MEGF10: variants seen among roughly 807,000 people sequenced by gnomAD.
MEGF10 encodes the protein multiple EGF like domains 10, also known as multiple epidermal growth factor-like domains protein 10.
MEGF10 carries 86 observed loss-of-function variants against 147.5 expected under a neutral mutation model. The observed-to-expected ratio is 0.58, with a 90% confidence interval of 0.49 to 0.70. The LOEUF is 0.70. Among genes scored for constraint, MEGF10 ranks in the 30% least tolerant of loss-of-function variants. The pLI, the probability that MEGF10 is intolerant of heterozygous loss-of-function variation, is 0.00. For synonymous variants in MEGF10, 478 were observed against 525.5 expected (o/e 0.91, Z 1.24); for missense variants, 1,329 against 1,487.3 (o/e 0.89, Z 1.75).
At chr5:127,233,187 TGCCAAGGGTACA>T in the MEGF10 span, among the ~76,000 whole-genome samples, 1 of 152,228 alleles carries the variant, frequency 6.6e-6, no homozygotes, top group Non-Finnish European at 1.5e-5. Flanking sequence ...GAAGCCCTGT[TGCCAAGGGTACA>T]GCCTCCCTAG....
intron 22 of MEGF10, among the ~76,000 whole-genome samples, chr5:127,450,388 G>A (rs1427970774): frequency 6.6e-6 from 1 of 152,150 alleles, no homozygotes; most frequent in African/African-American, 2.4e-5. Flanking sequence ...GATCTCATAG[G>A]CCTCCTGAAA....
chr5:127,266,240 G>C, the MEGF10 span, among the ~76,000 whole-genome samples: 3 of 151,640 alleles, frequency 2.0e-5, no homozygotes, highest in African/African-American at 7.3e-5. Context: ...TAGATGTGTG[G>C]TGTTATTTCT....
intron 5 of MEGF10, among the ~76,000 whole-genome samples, chr5:127,392,635 G>C (rs1223659358): frequency 6.6e-6 from 1 of 152,126 alleles, no homozygotes; most frequent in Admixed American, 6.5e-5. Context: ...ATACATGACA[G>C]GTACTTAAAA....
the MEGF10 span, among the ~76,000 whole-genome samples, chr5:127,280,676 C>A: frequency 0.017 from 2,514 of 150,514 alleles, 59 homozygotes; most frequent in East Asian, 0.086. Flanking sequence ...GCACGTGAGA[C>A]TGAAATCCAG....
intron 2 of MEGF10, among the ~76,000 whole-genome samples, chr5:127,337,982 C>T (rs1042427749): frequency 2.6e-5 from 4 of 152,142 alleles, no homozygotes; most frequent in South Asian, 2.1e-4. Context: ...ATGAATAGTA[C>T]GATTACTTCA....
chr5:127,442,529 T>C (rs1272962519), intron 18 of MEGF10, among the ~76,000 whole-genome samples: 2 of 152,212 alleles, frequency 1.3e-5, no homozygotes, highest in African/African-American at 4.8e-5. Context: ...CCCCTATTCC[T>C]GGCTAATTCA....
intron 9 of MEGF10, among the ~76,000 whole-genome samples, chr5:127,416,188 C>T (rs2126964241): frequency 6.6e-6 from 1 of 152,010 alleles, no homozygotes; most frequent in African/African-American, 2.4e-5. Flanking sequence ...CCACCACGCC[C>T]CGCTAATTTT....
At chr5:127,390,794 G>C (rs1763620528) in intron 5 of MEGF10, among the ~76,000 whole-genome samples, 1 of 152,022 alleles carries the variant, frequency 6.6e-6, no homozygotes, top group South Asian at 2.1e-4. Context: ...TGTCCTTATA[G>C]CTTTGGAGAG....
At chr5:127,280,329 T>C in the MEGF10 span, among the ~76,000 whole-genome samples, 1 of 152,190 alleles carries the variant, frequency 6.6e-6, no homozygotes, top group African/African-American at 2.4e-5. Context: ...CCTCCATTCA[T>C]TGGAGGACAA....
At position 127,420,959 on chromosome 5, in the gene MEGF10, C is replaced by T. The variant is rs185251664; in HGVS notation, c.1590+752C>T. 8.7e-4 allele frequency among the ~76,000 whole-genome samples: 132 copies of T among 152,314 alleles called. 1 individual carries two copies. Among genetic ancestry groups the T allele is most frequent in the African/African-American group, 3.0e-3 (124 of 41,578 alleles). ...GATGGCGAGTTAACAATGTGACCCC[C>T]TGAACTGGGCCCCTCGAGAAGGGCC... On this transcript the variant is annotated intron_variant, in intron 12 of 24. Coordinates refer to ENST00000503335, the MANE Select transcript of MEGF10 (RefSeq NM_001256545.2).
upstream of MEGF10, among the ~76,000 whole-genome samples, chr5:127,289,618 C>T (rs190085339): frequency 3.3e-5 from 5 of 152,274 alleles, no homozygotes; most frequent in African/African-American, 9.6e-5. Context: ...ACAGTCTTCC[C>T]CTGTGTATTT....
intron 5 of MEGF10, among the ~76,000 whole-genome samples, chr5:127,395,870 T>A (rs1763892038): frequency 6.6e-6 from 1 of 152,158 alleles, no homozygotes; most frequent in African/African-American, 2.4e-5. Context: ...AGTAGTTTAC[T>A]TCTTAGAGGA....
chr5:127,418,156 T>C (rs2126968803), intron 10 of MEGF10, among the ~76,000 whole-genome samples: 1 of 152,364 alleles, frequency 6.6e-6, no homozygotes, highest in South Asian at 2.1e-4. Context: ...TTGACAGCTT[T>C]TGTTTTTAAT....
At chr5:127,346,711 TTTAA>T (rs1185168767) in intron 4 of MEGF10, among the ~76,000 whole-genome samples, 7 of 152,164 alleles carry the variant, frequency 4.6e-5, no homozygotes. Flanking sequence ...AGCTTTTTAG[TTTAA>T]TTAAGTCCCA....
chr5:127,370,823 A>G (rs1420687408), intron 5 of MEGF10, among the ~76,000 whole-genome samples: 1 of 152,206 alleles, frequency 6.6e-6, no homozygotes, highest in Non-Finnish European at 1.5e-5. Flanking sequence ...CGCCTTGAGA[A>G]ACGTGAGAAG....
chr5:127,379,594 C>CTTTTTT (rs36030791), intron 5 of MEGF10, among the ~76,000 whole-genome samples: 62 of 90,368 alleles, frequency 6.9e-4, no homozygotes, highest in South Asian at 2.0e-3. Flanking sequence ...TGGCCAGCTT[C>CTTTTTT]TTTTTTTTTT....
chr5:127,320,247 A>G (rs539221136), intron 1 of MEGF10, among the ~76,000 whole-genome samples: 9 of 152,294 alleles, frequency 5.9e-5, no homozygotes, highest in Admixed American at 4.6e-4. Context: ...TACCCCTGTC[A>G]TTGTCTCCAC....
chr5:127,438,167 A>C lies in MEGF10; in HGVS notation c.2105-272A>C, dbSNP rs2408871. Among the ~76,000 whole-genome samples the C allele has an allele frequency of 0.19, 29,376 of 152,096 alleles. 3,228 individuals carry two copies. Among genetic ancestry groups the C allele is most frequent in the African/African-American group, 0.3 (12,602 of 41,452 alleles). ...ATAGGTGTTGAATATGTGTTTGTTTAATAACTGAATCTGTAAACTTGAGGT... is the reference window on the plus strand; with the variant it reads ...ATAGGTGTTGAATATGTGTTTGTTTCATAACTGAATCTGTAAACTTGAGGT... On this transcript the variant is annotated intron_variant, in intron 16 of 24. Transcript: ENST00000503335.
At chr5:127,347,402 C>T (rs1396059903) in intron 4 of MEGF10, among the ~76,000 whole-genome samples, 1 of 151,924 alleles carries the variant, frequency 6.6e-6, no homozygotes, top group African/African-American at 2.4e-5. Context: ...TAACACATAT[C>T]AGTTTTTATA....
Sources: allele counts gnomAD v4.1 joint callset (sites outside exome capture counted in the v4.1 genomes callset), GRCh38; gene constraint gnomAD v4.1.1; transcripts MANE v1.5; gene names NCBI Gene and HGNC (gene_info 2026-07-23, HGNC 2026-07-21).